The following ADAM12 variants were observed in gnomAD, a reference collection of about 807,000 sequenced individuals.
The protein encoded by ADAM12 is ADAM metallopeptidase domain 12.
In ADAM12, 70 loss-of-function variants were observed where a neutral mutation model predicts 106.4. The ratio of observed to expected loss-of-function variants is 0.66; its 90% CI spans 0.54 to 0.80. ADAM12 has a LOEUF of 0.80. Ranked by LOEUF, ADAM12 falls within the 30% of genes least tolerant of loss-of-function variation. The probability of loss-of-function intolerance (pLI) is 0.00; values close to 1 mark genes in which losing one functional copy is unlikely to be tolerated. For synonymous variants in ADAM12, 420 were observed against 433.5 expected (o/e 0.97, Z 0.39); for missense variants, 1,010 against 1,171.9 (o/e 0.86, Z 2.02).
At chr10:126,159,119 C>T in intron 3 of ADAM12, among the ~76,000 whole-genome samples, 1 of 152,028 alleles carries the variant, frequency 6.6e-6, no homozygotes, top group Non-Finnish European at 1.5e-5. Flanking sequence ...ACCATTCTGG[C>T]TAATACGGTG....
At chr10:126,040,953 G>C (rs1017623159) in intron 18 of ADAM12, among the ~76,000 whole-genome samples, 1 of 152,038 alleles carries the variant, frequency 6.6e-6, no homozygotes, top group Non-Finnish European at 1.5e-5. Context: ...GGCCCAGTCC[G>C]CACTCTAGAA....
chr10:126,180,198 T>G (rs1193621987), intron 3 of ADAM12, among the ~76,000 whole-genome samples: 2 of 152,184 alleles, frequency 1.3e-5, no homozygotes, highest in African/African-American at 2.4e-5. Flanking sequence ...TACATGAAGA[T>G]GAACGCAGAT....
At chr10:126,235,946 G>A (rs867284744) in intron 3 of ADAM12, among the ~76,000 whole-genome samples, 12 of 152,082 alleles carry the variant, frequency 7.9e-5, no homozygotes, top group African/African-American at 2.4e-4. Context: ...GGACCTGGTT[G>A]GACCAAGGGG....
At chr10:126,249,062 C>T (rs903144208) in intron 3 of ADAM12, among the ~76,000 whole-genome samples, 4 of 152,084 alleles carry the variant, frequency 2.6e-5, no homozygotes, top group Admixed American at 2.6e-4. Flanking sequence ...AAATTATTAT[C>T]CTTACTTTAC....
intron 5 of ADAM12, among the ~76,000 whole-genome samples, chr10:126,121,832 A>G (rs1272017167): frequency 6.6e-6 from 1 of 152,158 alleles, no homozygotes; most frequent in Non-Finnish European, 1.5e-5. Flanking sequence ...CAACGCTCAA[A>G]TGATACGGAA....
chr10:126,089,052 C>T (rs770705526), intron 11 of ADAM12, among the ~76,000 whole-genome samples: 27 of 152,186 alleles, frequency 1.8e-4, no homozygotes, highest in Non-Finnish European at 2.6e-4. Flanking sequence ...ACACGCTGCC[C>T]GCCCCAACTC....
Position 126,387,946 on chromosome 10 carries a change from T to G in ADAM12, c.88+112A>C, listed in dbSNP as rs1477414449. 6.0e-5 allele frequency: 69 copies of G among 1,148,386 alleles called. No homozygotes were observed. In the Middle Eastern group the frequency reaches 1.8e-3, roughly 30 times the overall value. 71.1% of individuals were successfully genotyped at this position (1,148,386 alleles called of 1,614,324 possible). On this transcript the variant is annotated intron_variant, in intron 1 of 22. Coordinates refer to ENST00000448723, the MANE Select transcript of ADAM12 (RefSeq NM_001288973.2). ...AGCGCAAGCCCCGGGGCTCCGGAGA[T>G]GCGCCGGGGCGCGTCGCCCCTCGGG...
chr10:126,192,098 C>G (rs964217571), intron 3 of ADAM12, among the ~76,000 whole-genome samples: 1 of 152,176 alleles, frequency 6.6e-6, no homozygotes. Context: ...GTCTCCACCT[C>G]CAAGTTGGGG....
At chr10:126,056,157 A>G (rs910403040) in intron 14 of ADAM12, among the ~76,000 whole-genome samples, 3 of 152,202 alleles carry the variant, frequency 2.0e-5, no homozygotes, top group African/African-American at 7.2e-5. Context: ...CAGGAAGGCA[A>G]TAACGGTCAC....
At chr10:126,308,911 T>A (rs1028139999) in intron 2 of ADAM12, among the ~76,000 whole-genome samples, 1 of 152,224 alleles carries the variant, frequency 6.6e-6, no homozygotes, top group Non-Finnish European at 1.5e-5. Context: ...TCAGCTGTCA[T>A]GAAGCCCCTT....
intron 6 of ADAM12, among the ~76,000 whole-genome samples, chr10:126,113,687 A>AATATATATATAT (rs71309278): frequency 4.1e-4 from 10 of 24,132 alleles, no homozygotes; most frequent in Admixed American, 1.8e-3. Flanking sequence ...AAAAAAAAAA[A>AATATATATATAT]ATATATATAT....
At position 126,066,182 on chromosome 10, in the gene ADAM12, G is replaced by A. The variant is rs748975906; in HGVS notation, c.1413+535C>T. Among the ~76,000 whole-genome samples, 19 of 152,150 alleles carry A rather than the reference G, an allele frequency of 1.2e-4. No homozygotes were observed. Among genetic ancestry groups the A allele is most frequent in the Non-Finnish European group, 2.4e-4 (16 of 68,034 alleles). On this transcript the variant is annotated intron_variant, in intron 13 of 22. Transcript: ENST00000448723. This position sits in a 1 kb window ranked among gnomAD's most constrained non-coding sequence, Gnocchi z 5.1. ...AGACAATGGAACTGCCAAAAGAAAC[G>A]CAGTCCTAGCCAGCAGCAATGGCGA...
intron 11 of ADAM12, among the ~76,000 whole-genome samples, chr10:126,086,667 AAAAAAAAAAAAAAATATATATATAT>A (rs1189414259): frequency 2.9e-5 from 2 of 69,826 alleles, no homozygotes; most frequent in East Asian, 1.1e-3. Context: ...AAAAAAAAAA[AAAAAAAAAAAAAAATATATATATAT>A]ATATATATAT....
chr10:126,388,077 G>C lies in ADAM12; in HGVS notation c.69C>G (p.Leu23=). 8.1e-7 allele frequency: 1 copy of C among 1,232,112 alleles called. No individual in the cohort carries two copies. Among genetic ancestry groups the C allele is most frequent in the Non-Finnish European group, 1.0e-6 (1 of 986,658 alleles). 76.3% of individuals were successfully genotyped at this position (1,232,112 alleles called of 1,614,324 possible). Residue 23 remains leucine (L), a synonymous_variant, in exon 1 of 23, where the codon CTC becomes CTG. Transcript: ENST00000448723. The surrounding 1 kb of genome is among the most constrained non-coding windows in gnomAD (Gnocchi z 4.4). ...ACTTACCTCGGGCCTCGCAGGGCGC[G>C]AGCAGAGCACCGGCCAGGGCGAGCA... The part of the protein sequence containing the change: ...ALLLALAGAL[L]APCEARGVSL...
At chr10:126,331,286 G>T (rs115627343) in intron 1 of ADAM12, among the ~76,000 whole-genome samples, 5 of 152,128 alleles carry the variant, frequency 3.3e-5, no homozygotes, top group South Asian at 4.2e-4. Flanking sequence ...TATTTGGTTC[G>T]ACCACAGTAT....
chr10:126,210,224 C>G (rs2133835186), intron 3 of ADAM12, among the ~76,000 whole-genome samples: 1 of 152,336 alleles, frequency 6.6e-6, no homozygotes, highest in Non-Finnish European at 1.5e-5. Context: ...TAGCACGTGA[C>G]AAAGCTGGAC....
chr10:126,141,770 A>AG (rs1956516361), intron 4 of ADAM12, among the ~76,000 whole-genome samples: 3 of 151,948 alleles, frequency 2.0e-5, no homozygotes, highest in Non-Finnish European at 4.4e-5. Context: ...GAATGCTACC[A>AG]AAGTCTGTTA....
chr10:126,197,310 C>T (rs1206882759), intron 3 of ADAM12, among the ~76,000 whole-genome samples: 1 of 152,240 alleles, frequency 6.6e-6, no homozygotes, highest in African/African-American at 2.4e-5. Context: ...TGCATCTGAT[C>T]TGTCCTCGAA....
rs532573084 is a variant in ADAM12 at position 126,066,583 on chromosome 10, G to A, written c.1413+134C>T. 1.2e-5 allele frequency: 9 copies of A among 776,100 alleles called. No individual in the cohort carries two copies. Among genetic ancestry groups the A allele is most frequent in the African/African-American group, 5.1e-5 (3 of 58,334 alleles). 48.1% of individuals were successfully genotyped at this position (776,100 alleles called of 1,614,324 possible). A position where few individuals can be genotyped will look rare whatever the true frequency, so the allele number is the denominator to read the frequency against. On this transcript the variant is annotated intron_variant, in intron 13 of 22. Coordinates refer to ENST00000448723, the MANE Select transcript of ADAM12 (RefSeq NM_001288973.2). This position sits in a 1 kb window ranked among gnomAD's most constrained non-coding sequence, Gnocchi z 5.1. The stretch of plus-strand genomic sequence containing the variant: ...TAAGAGGTGGGTAACACCAACTGGC[G>A]TGAGAAGGAGGGATGGTGCGTGCTG...
Sources: gnomAD v4.1 joint callset for allele counts (sites outside exome capture counted in the v4.1 genomes callset) on GRCh38, gnomAD v4.1.1 for gene constraint, Gnocchi (gnomAD v3.1) non-coding constraint, MANE v1.5 for transcripts, NCBI Gene and HGNC (gene_info 2026-07-23, HGNC 2026-07-21) for gene names.